BICRAL: variants seen among roughly 807,000 people sequenced by gnomAD.
The protein encoded by BICRAL is BICRA like chromatin remodeling complex associated protein.
Under a neutral mutation model 91.8 loss-of-function variants are expected in BICRAL, and 8 were observed. That is an observed-to-expected ratio of 0.09 (90% CI 0.05 to 0.16). The LOEUF (loss-of-function observed/expected upper bound fraction) is 0.16, where lower values mean the gene tolerates loss of function less well. Ranked by LOEUF, BICRAL falls within the 10% of genes least tolerant of loss-of-function variation. The pLI, the probability that BICRAL is intolerant of heterozygous loss-of-function variation, is 1.00. For missense variants in BICRAL, 1,038 were observed against 1,310.9 expected (o/e 0.79, Z 3.21); for synonymous variants, 445 against 491.1 (o/e 0.91, Z 1.24).
At chr6:42,814,528 T>A (rs868534526) in intron 2 of BICRAL, among the ~76,000 whole-genome samples, 2,975 of 132,558 alleles carry the variant, frequency 0.022, 35 homozygotes, top group South Asian at 0.035. Flanking sequence ...TATTTTTTTT[T>A]TTTTTTTTTT....
intron 2 of BICRAL, among the ~76,000 whole-genome samples, chr6:42,814,519 A>ATATTTTTTTTT (rs1237976324): frequency 1.2e-5 from 1 of 80,236 alleles, no homozygotes; most frequent in African/African-American, 6.6e-5. Flanking sequence ...ATATATATAT[A>ATATTTTTTTTT]TTTTTTTTTT....
intron 1 of BICRAL, among the ~76,000 whole-genome samples, chr6:42,758,975 G>A (rs1276110837): frequency 3.9e-5 from 6 of 152,178 alleles, no homozygotes; most frequent in African/African-American, 9.7e-5. Context: ...AGACAGAGAC[G>A]TGTCAGGCTA....
At chr6:42,779,664 G>T (rs1463107523), upstream of BICRAL, among the ~76,000 whole-genome samples, 2 of 152,198 alleles carry the variant, frequency 1.3e-5, no homozygotes, top group African/African-American at 4.8e-5. Flanking sequence ...ACAAGATATA[G>T]TGTTTTTCTT....
At position 42,864,940 on chromosome 6, in the gene BICRAL, G is replaced by A. The variant is rs767949568; in HGVS notation, c.2734G>A (p.Val912Met). ...ACTGAAATTTGACAAAGTGGGCTTA[G>A]TGCAGTACCAGAGCACGTCTGAAGA... ...RALKFDKVGL[V>M]QYQSTSEEKA... Residue 912 changes from valine (V) to methionine (M), a missense_variant, in exon 13 of 13, where the codon GTG (valine) becomes ATG (methionine). Val to Met is a conservative substitution (Grantham distance 21). Coordinates refer to ENST00000314073, the MANE Select transcript of BICRAL (RefSeq NM_001393499.1). 5 of 1,614,098 alleles carry A rather than the reference G, an allele frequency of 3.1e-6. No homozygotes were observed. The South Asian group carries it at 4.4e-5, about 14-fold the overall frequency.
At chr6:42,846,425 A>G (rs1376426570) in intron 6 of BICRAL, among the ~76,000 whole-genome samples, 1 of 152,166 alleles carries the variant, frequency 6.6e-6, no homozygotes, top group Non-Finnish European at 1.5e-5. Context: ...ATAAAGAGTT[A>G]TAGATTCCTA....
intron 6 of BICRAL, among the ~76,000 whole-genome samples, chr6:42,845,990 G>T (rs1192569327): frequency 1.4e-5 from 2 of 145,718 alleles, no homozygotes; most frequent in African/African-American, 2.6e-5. Context: ...AGAATGGCGG[G>T]AACCCAGGAG....
Position 42,822,868 on chromosome 6 carries a change from A to C in BICRAL, c.90+24A>C, listed in dbSNP as rs913637432. On this transcript the variant is annotated intron_variant, in intron 4 of 12. Coordinates refer to ENST00000314073, the MANE Select transcript of BICRAL (RefSeq NM_001393499.1). ...CTGTAAGTAATGCATAGAATACCACAGACATCTATTTTGTTTCTGCTTTAC... is the reference window on the plus strand; with the variant it reads ...CTGTAAGTAATGCATAGAATACCACCGACATCTATTTTGTTTCTGCTTTAC... 4 of 1,518,214 alleles carry C rather than the reference A, an allele frequency of 2.6e-6. No individual in the cohort carries two copies. In the African/African-American group the frequency reaches 5.5e-5, roughly 21 times the overall value. 94.0% of individuals were successfully genotyped at this position (1,518,214 alleles called of 1,614,324 possible). A position where few individuals can be genotyped will look rare whatever the true frequency, so the allele number is the denominator to read the frequency against.
intron 1 of BICRAL, among the ~76,000 whole-genome samples, chr6:42,788,483 A>C (rs779796427): frequency 1.4e-4 from 22 of 152,050 alleles, no homozygotes; most frequent in Non-Finnish European, 2.9e-4. Context: ...AGGCCTCCCA[A>C]AATGTTGGGA....
intron 2 of BICRAL, among the ~76,000 whole-genome samples, chr6:42,812,424 C>T (rs1763866965): frequency 6.6e-6 from 1 of 151,408 alleles, no homozygotes; most frequent in South Asian, 2.1e-4. Flanking sequence ...GAGACCCTGC[C>T]TCTTCAAAAA....
intron 1 of BICRAL, among the ~76,000 whole-genome samples, chr6:42,753,627 T>C (rs1762414723): frequency 6.6e-6 from 1 of 152,124 alleles, no homozygotes; most frequent in African/African-American, 2.4e-5. Context: ...GTTTGTTTTT[T>C]TTCAGACAGG....
At chr6:42,847,185 G>A (rs572161387) in intron 6 of BICRAL, among the ~76,000 whole-genome samples, 47 of 152,322 alleles carry the variant, frequency 3.1e-4, no homozygotes, top group African/African-American at 1.1e-3. Context: ...GGGAGGCAGA[G>A]GTTGCAGTGA....
chr6:42,811,697 A>G (rs1763849359), intron 2 of BICRAL, among the ~76,000 whole-genome samples: 2 of 151,584 alleles, frequency 1.3e-5, no homozygotes, highest in Non-Finnish European at 1.5e-5. Flanking sequence ...ACTCCACTCT[A>G]CTATCTGGAG....
chr6:42,783,522 C>CGCGGCGCGG (rs1763002267), intron 1 of BICRAL, among the ~76,000 whole-genome samples: 1 of 151,992 alleles, frequency 6.6e-6, no homozygotes, highest in East Asian at 1.9e-4. Flanking sequence ...CCATCTTTCT[C>CGCGGCGCGG]GCGGCGCGGG....
rs1765691881 is a variant in BICRAL, at chr6:42,865,611, G to T, written c.*165G>T. On this transcript the variant is annotated 3_prime_UTR_variant, in exon 13 of 13. Transcript: ENST00000314073. The stretch of plus-strand genomic sequence containing the variant: ...CTTTCTAATCTCAATCCTGTTCTTT[G>T]TTTAAGAGCAATACTTGTCGTGATT... The T allele has an allele frequency of 1.7e-6, 1 of 593,854 alleles. No homozygotes were observed. Among genetic ancestry groups the T allele is most frequent in the Non-Finnish European group, 3.0e-6 (1 of 332,352 alleles). The allele number at this position is 593,854 out of a possible 1,614,324, so 36.8% of individuals were successfully genotyped here.
At chr6:42,759,040 A>G (rs1048900496) in intron 1 of BICRAL, among the ~76,000 whole-genome samples, 8 of 152,228 alleles carry the variant, frequency 5.3e-5, no homozygotes, top group African/African-American at 1.7e-4. Flanking sequence ...GCTTTACAGC[A>G]TCCTAATGCC....
chr6:42,755,556 C>A (rs1183849732), intron 1 of BICRAL, among the ~76,000 whole-genome samples: 2 of 152,178 alleles, frequency 1.3e-5, no homozygotes, highest in African/African-American at 4.8e-5. Context: ...TCTAACTTAT[C>A]TGTGAAGACC....
chr6:42,761,140 T>C lies in BICRAL; in HGVS notation c.-261+14117T>C, dbSNP rs115932755. The stretch of plus-strand genomic sequence containing the variant: ...AGTGAGATGTAGTGGTGCTAATAAG[T>C]GAACAGATCTGAGTTTAAATTCTGA... On this transcript the variant is annotated intron_variant, in intron 1 of 14. Coordinates refer to the BICRAL transcript ENST00000614467. Among the ~76,000 whole-genome samples the C allele has an allele frequency of 8.6e-3, 1,315 of 152,282 alleles. 18 individuals carry two copies. Among genetic ancestry groups the C allele is most frequent in the African/African-American group, 0.029 (1,197 of 41,552 alleles).
chr6:42,786,682 T>C (rs1763112147), intron 1 of BICRAL, among the ~76,000 whole-genome samples: 1 of 152,186 alleles, frequency 6.6e-6, no homozygotes, highest in Non-Finnish European at 1.5e-5. Flanking sequence ...GGAATGACCA[T>C]TTTGGCTAGT....
At chr6:42,770,139 C>T (rs1012345855) in intron 1 of BICRAL, among the ~76,000 whole-genome samples, 1 of 152,200 alleles carries the variant, frequency 6.6e-6, no homozygotes, top group African/African-American at 2.4e-5. Context: ...GAGCTCTCTT[C>T]TGCCTTTCCC....
Sources: allele counts gnomAD v4.1 joint callset (sites outside exome capture counted in the v4.1 genomes callset), GRCh38; gene constraint gnomAD v4.1.1; transcripts MANE v1.5; gene names NCBI Gene and HGNC (gene_info 2026-07-23, HGNC 2026-07-21).